Variants in ACAN observed in about 807,000 individuals in gnomAD.
ACAN encodes the protein aggrecan, also known as aggrecan core protein.
Under a neutral mutation model 169.1 loss-of-function variants are expected in ACAN, and 47 were observed. That is an observed-to-expected ratio of 0.28 (90% CI 0.22 to 0.35). The LOEUF is 0.35. Among genes scored for constraint, ACAN ranks in the 10% least tolerant of loss-of-function variants. The pLI is 1.00. For synonymous variants in ACAN, 1,115 were observed against 1,112.2 expected (o/e 1.00, Z -0.05); for missense variants, 2,716 against 2,759.9 (o/e 0.98, Z 0.36).
chr15:88,872,742 G>A lies in ACAN; in HGVS notation c.7303-139G>A, dbSNP rs142975765. 1.3e-5 allele frequency: 14 copies of A among 1,095,866 alleles called. No homozygotes were observed. The East Asian group carries it at 3.1e-4, about 25-fold the overall frequency. The allele number at this position is 1,095,866 out of a possible 1,614,324, so 67.9% of individuals were successfully genotyped here. ...CCTGATCAGATTCCCAGCAGTTTTT[G>A]TGCTGCTATCAGATGAGCCTGAAGT... On this transcript the variant is annotated intron_variant, in intron 16 of 18. Coordinates refer to ENST00000560601, the MANE Select transcript of ACAN (RefSeq NM_001369268.1). This position sits in a 1 kb window ranked among gnomAD's most constrained non-coding sequence, Gnocchi z 5.4.
chr15:88,862,418 A>G (rs940891017), intron 13 of ACAN, among the ~76,000 whole-genome samples: 3 of 152,204 alleles, frequency 2.0e-5, no homozygotes, highest in East Asian at 3.9e-4. Context: ...ACCCATGTAC[A>G]ACATCTGGTC....
chr15:88,821,260 C>T (rs993137008), intron 1 of ACAN, among the ~76,000 whole-genome samples: 2 of 152,168 alleles, frequency 1.3e-5, no homozygotes, highest in Non-Finnish European at 2.9e-5. Flanking sequence ...CTACCTCAGC[C>T]TCCCGAGTAG....
chr15:88,807,165 C>T lies in ACAN; in HGVS notation c.-8+3356C>T, dbSNP rs931708938. 4.6e-5 allele frequency among the ~76,000 whole-genome samples: 7 copies of T among 152,046 alleles called. No individual in the cohort carries two copies. Among genetic ancestry groups the T allele is most frequent in the Non-Finnish European group, 1.0e-4 (7 of 68,002 alleles). On this transcript the variant is annotated intron_variant, in intron 1 of 18. Transcript: ENST00000560601. This position sits in a 1 kb window ranked among gnomAD's most constrained non-coding sequence, Gnocchi z 4.0. ...ACCAAGTGCTGGGGAGTCAAGGCAG[C>T]TGAGGTGGAAGCTGGAGTTGGGGAA...
rs1895723404 is a variant in ACAN at position 88,807,788 on chromosome 15, A to ATGTG, written c.-8+3981_-8+3982insTGTG. Among the ~76,000 whole-genome samples, 2 of 40,728 alleles carry ATGTG rather than the reference A, an allele frequency of 4.9e-5. No homozygotes were observed. Among genetic ancestry groups the ATGTG allele is most frequent in the East Asian group, 1.1e-3 (1 of 874 alleles). 26.7% of individuals were successfully genotyped at this position (40,728 alleles called of 152,430 possible). ...TGTGTGTGTGTGTGTGTGTGTGTGCATGCTGGCAGGGCGGGCCCTGCGGGC... is the reference window on the plus strand; with the variant it reads ...TGTGTGTGTGTGTGTGTGTGTGTGCATGTGTGCTGGCAGGGCGGGCCCTGCGGGC... On this transcript the variant is annotated intron_variant, in intron 1 of 18. Coordinates refer to ENST00000560601, the MANE Select transcript of ACAN (RefSeq NM_001369268.1). This position sits in a 1 kb window ranked among gnomAD's most constrained non-coding sequence, Gnocchi z 4.0.
intron 1 of ACAN, among the ~76,000 whole-genome samples, chr15:88,805,339 G>A (rs1436786083): frequency 6.6e-6 from 1 of 152,166 alleles, no homozygotes; most frequent in African/African-American, 2.4e-5. Context: ...GGGGGAGGAA[G>A]CATTGAGCGG....
chr15:88,874,435 G>T lies in ACAN; in HGVS notation c.7661G>T (p.Arg2554Leu), dbSNP rs759942986. 6.2e-7 allele frequency: 1 copy of T among 1,607,540 alleles called. No individual in the cohort carries two copies. The highest frequency in any genetic ancestry group is 2.2e-5 in the East Asian group (1 of 44,566). ...ACCTACAAACGCAGACTACAGAAGCGGAGCTCACGGCACCCTCGGAGGAGC... is the reference window on the plus strand; with the variant it reads ...ACCTACAAACGCAGACTACAGAAGCTGAGCTCACGGCACCCTCGGAGGAGC... ...PTTYKRRLQK[R>L]SSRHPRRSRP... is the part of the protein sequence containing the mutation. Residue 2554 changes from arginine to leucine, a missense_variant, in exon 19 of 19, where the codon CGG (arginine) becomes CTG (leucine). Physicochemically the swap from Arg to Leu is moderately radical, Grantham distance 102. Transcript: ENST00000560601. This position sits in a 1 kb window ranked among gnomAD's most constrained non-coding sequence, Gnocchi z 7.3.
Position 88,841,783 on chromosome 15 carries a change from G to T in ACAN, c.673G>T (p.Asp225Tyr), listed in dbSNP as rs1453170652. 2.5e-6 allele frequency: 4 copies of T among 1,613,520 alleles called. No homozygotes were observed. The highest frequency in any genetic ancestry group is 3.4e-6 in the Non-Finnish European group (4 of 1,179,838). Reference protein sequence around the residue: ...TPREGCYGDKDEFPGVRTYGI... With the variant: ...TPREGCYGDKYEFPGVRTYGI... ...CCGGGAAGGCTGCTATGGAGACAAG[G>T]ATGAGTTTCCTGGTGTGAGGACGTA... Residue 225 changes from aspartate to tyrosine, a missense_variant, in exon 5 of 19, where the codon GAT (aspartate) becomes TAT (tyrosine). Around this residue, in one of 3 missense-constraint regions of ACAN, gnomAD observed 1,283 missense variants for 1,281.5 expected, o/e 1.00. Transcript: ENST00000560601.
chr15:88,843,776 T>A lies in ACAN; in HGVS notation c.1051+128T>A. ...GGGGCCACGGGGTACCTGAACCCCATGTTTTTAGGACACCCCTCCATTTTC... is the reference window on the plus strand; with the variant it reads ...GGGGCCACGGGGTACCTGAACCCCAAGTTTTTAGGACACCCCTCCATTTTC... On this transcript the variant is annotated intron_variant, in intron 6 of 18. Transcript: ENST00000560601. This position sits in a 1 kb window ranked among gnomAD's most constrained non-coding sequence, Gnocchi z 4.0. The A allele has an allele frequency of 8.4e-7, 1 of 1,192,442 alleles. No homozygotes were observed. The highest frequency in any genetic ancestry group is 1.1e-6 in the Non-Finnish European group (1 of 875,198). The allele number at this position is 1,192,442 out of a possible 1,614,324, so 73.9% of individuals were successfully genotyped here.
rs567277928 is a variant in ACAN at position 88,874,350 on chromosome 15, C to T, written c.7631-55C>T. 86 of 1,492,398 alleles carry T rather than the reference C, an allele frequency of 5.8e-5. No homozygotes were observed. The highest frequency in any genetic ancestry group is 3.8e-4 in the Middle Eastern group (2 of 5,200). The allele number at this position is 1,492,398 out of a possible 1,614,324, so 92.4% of individuals were successfully genotyped here. A position where few individuals can be genotyped will look rare whatever the true frequency, so the allele number is the denominator to read the frequency against. On this transcript the variant is annotated intron_variant, in intron 18 of 18. Transcript: ENST00000560601. This position sits in a 1 kb window ranked among gnomAD's most constrained non-coding sequence, Gnocchi z 7.3. ...GGGTAGTCTGGGGAGAGCCTGGGCT[C>T]GCCCCACTTTCTTTCCAGGTCCACT...
rs1895642974 is a variant in ACAN, at chr15:88,805,058, G to T, written c.-8+1249G>T. On this transcript the variant is annotated intron_variant, in intron 1 of 18. Coordinates refer to ENST00000560601, the MANE Select transcript of ACAN (RefSeq NM_001369268.1). ...GTTGAACTGTGACTTAGGGTCAAGG[G>T]CAGAACTAGAATCCAGGTTTTCTGA... 2.6e-5 allele frequency among the ~76,000 whole-genome samples: 4 copies of T among 152,290 alleles called. No individual in the cohort carries two copies. In the South Asian group the frequency reaches 8.3e-4, roughly 32 times the overall value.
In ACAN at chr15:88,871,384, C is replaced by G. The variant is rs1169003266; in HGVS notation, c.7063C>G (p.Gln2355Glu). The change falls in exon 15 of 19, where the codon CAG (glutamine) becomes GAG (glutamate). Residue 2355 changes from glutamine to glutamate, a missense_variant and splice_region_variant. Coordinates refer to ENST00000560601, the MANE Select transcript of ACAN (RefSeq NM_001369268.1). The surrounding 1 kb of genome is among the most constrained non-coding windows in gnomAD (Gnocchi z 7.8). ...SYEGDLCEID[Q>E]EVCEEGWNKY... Reference sequence around the variant, plus strand: ...CAAGCCCCTGACCTGTGTTGCAGACCAGGAGGTATGTGAGGAGGGCTGGAA... The same window carrying G: ...CAAGCCCCTGACCTGTGTTGCAGACGAGGAGGTATGTGAGGAGGGCTGGAA... 3.7e-6 allele frequency: 6 copies of G among 1,613,830 alleles called. 1 individual carries two copies. The highest frequency in any genetic ancestry group is 3.3e-5 in the South Asian group (3 of 91,078).
intron 11 of ACAN, 34 bp from the exon 12 acceptor site, chr15:88,854,817 AC>A (rs1897009582): frequency 2.1e-6 from 3 of 1,418,922 alleles, no homozygotes; most frequent in Non-Finnish European, 2.8e-6. Context: ...GAGTTAATAA[AC>A]CCACACTTCA....
intron 1 of ACAN, among the ~76,000 whole-genome samples, chr15:88,822,433 C>T (rs560539352): frequency 2.0e-5 from 3 of 151,918 alleles, no homozygotes; most frequent in Admixed American, 1.3e-4. Context: ...TCCATCAGCT[C>T]TCAAAGAGAA....
At chr15:88,812,014 C>T (rs1221589102) in intron 1 of ACAN, among the ~76,000 whole-genome samples, 1 of 152,218 alleles carries the variant, frequency 6.6e-6, no homozygotes, top group African/African-American at 2.4e-5. Flanking sequence ...GACAGAGGGT[C>T]TCCTGGTGTG....
rs1194050400 is a variant in ACAN at position 88,854,909 on chromosome 15, C to G, written c.2324C>G (p.Pro775Arg). 3 of 1,579,544 alleles carry G rather than the reference C, an allele frequency of 1.9e-6. No homozygotes were observed. The highest frequency in any genetic ancestry group is 2.6e-6 in the Non-Finnish European group (3 of 1,165,952). Residue 775 changes from proline to arginine, a missense_variant, in exon 12 of 19, where the codon CCT becomes CGT. Physicochemically the swap from Pro to Arg is moderately radical, Grantham distance 103. This residue lies in a region of ACAN where 1,283 missense variants were observed against 1,281.5 expected (regional missense o/e 1.00). Transcript: ENST00000560601. ...GCAACAGAGGAAAGTACAGAAGGCC[C>G]TTCTGCAACTGAAGTGCCCTCTGCC... ...GAATEESTEG[P>R]SATEVPSASE... is the part of the protein sequence containing the mutation.
In ACAN at chr15:88,837,196, G is replaced by A. The variant is rs562252322; in HGVS notation, c.70+920G>A. ...GCTGTTTGTATGGGGTGTGGGCAGA[G>A]CAGGGCTGTGGGGCTGAGATAAGCA... On this transcript the variant is annotated intron_variant, in intron 2 of 18. Transcript: ENST00000560601. Among the ~76,000 whole-genome samples the A allele has an allele frequency of 1.6e-4, 24 of 152,304 alleles. 1 individual carries two copies. In the South Asian group the frequency reaches 5.0e-3, roughly 32 times the overall value.
At position 88,845,545 on chromosome 15, in the gene ACAN, G is replaced by A. The variant is rs372104051; in HGVS notation, c.1092G>A (p.Val364=). The A allele has an allele frequency of 5.0e-6, 8 of 1,612,634 alleles. 1 individual carries two copies. Among genetic ancestry groups the A allele is most frequent in the South Asian group, 1.1e-5 (1 of 91,020 alleles). The change falls in exon 7 of 19, where the codon GTG becomes GTA. Residue 364 remains valine, a synonymous_variant. Transcript: ENST00000560601. The part of the protein sequence containing the change: ...FVDIPENFFG[V]GGEEDITVQT... ...ACATCCCAGAAAACTTCTTTGGAGTGGGGGGTGAGGAGGACATCACCGTCC... is the reference window on the plus strand; with the variant it reads ...ACATCCCAGAAAACTTCTTTGGAGTAGGGGGTGAGGAGGACATCACCGTCC...
At chr15:88,810,006 A>T (rs1422455981) in intron 1 of ACAN, among the ~76,000 whole-genome samples, 1 of 152,186 alleles carries the variant, frequency 6.6e-6, no homozygotes, top group Non-Finnish European at 1.5e-5. Flanking sequence ...GCTTTCCTGA[A>T]CTTCTATTTT....
rs374444716 is a variant in ACAN at position 88,843,268 on chromosome 15, C to G, written c.758-87C>G. ...TGGGAAGTTAAAGGACTCCCAAGAC[C>G]TCGTGGAAAAGTGTGGATCTCTCTG... On this transcript the variant is annotated intron_variant, in intron 5 of 18. Transcript: ENST00000560601. This position sits in a 1 kb window ranked among gnomAD's most constrained non-coding sequence, Gnocchi z 4.0. 3.3e-5 allele frequency: 44 copies of G among 1,344,680 alleles called. No homozygotes were observed. Among genetic ancestry groups the G allele is most frequent in the South Asian group, 8.1e-5 (5 of 61,388 alleles). The allele number at this position is 1,344,680 out of a possible 1,614,324, so 83.3% of individuals were successfully genotyped here. A position where few individuals can be genotyped will look rare whatever the true frequency, so the allele number is the denominator to read the frequency against.
Sources: gnomAD v4.1 joint callset for allele counts (sites outside exome capture counted in the v4.1 genomes callset) on GRCh38, gnomAD v4.1.1 for gene constraint, gnomAD v4.1.1 regional missense constraint, Gnocchi (gnomAD v3.1) non-coding constraint, MANE v1.5 for transcripts, NCBI Gene and HGNC (gene_info 2026-07-23, HGNC 2026-07-21) for gene names.